Variants in NRG3 observed in about 807,000 individuals in gnomAD.
NRG3 encodes the protein neuregulin 3.
In NRG3, 31 loss-of-function variants were observed where a neutral mutation model predicts 66.9. That is an observed-to-expected ratio of 0.46 (90% CI 0.35 to 0.63). The LOEUF is 0.63. Ranked by LOEUF, NRG3 falls within the 20% of genes least tolerant of loss-of-function variation. NRG3 has a pLI of 0.00. For missense variants in NRG3, 910 were observed against 878.9 expected, an observed-to-expected ratio of 1.04 and a Z score of -0.45; for synonymous variants, 393 against 359.4, an observed-to-expected ratio of 1.09 and a Z score of -1.06.
intron 3 of NRG3, among the ~76,000 whole-genome samples, chr10:82,761,314 G>A (rs1338148218): frequency 1.3e-5 from 2 of 152,062 alleles, no homozygotes; most frequent in South Asian, 4.2e-4. Context: ...TAATAAAAAA[G>A]TAATATCTTC....
intron 1 of NRG3, among the ~76,000 whole-genome samples, chr10:81,923,737 G>GT (rs11406455): frequency 1 from 152,256 of 152,256 alleles, 76,128 homozygotes; most frequent in Non-Finnish European, 1. Flanking sequence ...ATTCCCCCTT[G>GT]TTTTATCTTC....
chr10:82,528,735 T>C (rs1846963393), intron 2 of NRG3, among the ~76,000 whole-genome samples: 1 of 152,176 alleles, frequency 6.6e-6, no homozygotes. Context: ...AATTGCTATT[T>C]AGTTTAGAAA....
intron 4 of NRG3, among the ~76,000 whole-genome samples, chr10:82,886,978 A>G (rs1842772704): frequency 6.6e-6 from 1 of 152,208 alleles, no homozygotes; most frequent in Admixed American, 6.5e-5. Context: ...AATCGTTCTA[A>G]TTAGCAAAGA....
At chr10:82,913,504 A>C (rs1845530346) in intron 4 of NRG3, among the ~76,000 whole-genome samples, 1 of 152,032 alleles carries the variant, frequency 6.6e-6, no homozygotes, top group Non-Finnish European at 1.5e-5. Flanking sequence ...AATTTCCTTA[A>C]TGTTTGCTTA....
intron 1 of NRG3, among the ~76,000 whole-genome samples, chr10:82,153,965 GC>G (rs1343708091): frequency 2.6e-5 from 4 of 151,510 alleles, no homozygotes; most frequent in African/African-American, 9.7e-5. Context: ...ATGGATATTA[GC>G]CCCTTATCAG....
chr10:82,806,521 T>C (rs1463263251), intron 3 of NRG3, among the ~76,000 whole-genome samples: 5 of 152,240 alleles, frequency 3.3e-5, no homozygotes, highest in African/African-American at 9.6e-5. Flanking sequence ...GACCTACAAT[T>C]AATGTGAGAA....
intron 4 of NRG3, among the ~76,000 whole-genome samples, chr10:82,880,331 G>C (rs992830401): frequency 6.6e-6 from 1 of 152,078 alleles, no homozygotes; most frequent in African/African-American, 2.4e-5. Context: ...TCCATATTTA[G>C]AGTGCGCACG....
intron 2 of NRG3, among the ~76,000 whole-genome samples, chr10:82,609,655 T>C (rs1406148088): frequency 6.6e-6 from 1 of 151,768 alleles, no homozygotes; most frequent in Non-Finnish European, 1.5e-5. Flanking sequence ...TTAAACCTCA[T>C]AATCAATCTG....
intron 1 of NRG3, among the ~76,000 whole-genome samples, chr10:82,351,036 C>T (rs865864217): frequency 8.5e-5 from 13 of 152,156 alleles, no homozygotes; most frequent in South Asian, 8.3e-4. Context: ...GGACTACAGG[C>T]GCCCGCCACC....
intron 3 of NRG3, among the ~76,000 whole-genome samples, chr10:82,829,221 A>AT (rs1440360971): frequency 6.6e-6 from 1 of 152,130 alleles, no homozygotes; most frequent in Non-Finnish European, 1.5e-5. Flanking sequence ...GAAAGATCTG[A>AT]TTGGAGCACA....
chr10:82,688,600 A>C (rs1453496726), intron 2 of NRG3, among the ~76,000 whole-genome samples: 1 of 152,170 alleles, frequency 6.6e-6, no homozygotes. Context: ...GATTTACTGA[A>C]CACTTCCAAT....
intron 1 of NRG3, among the ~76,000 whole-genome samples, chr10:82,093,231 A>T (rs1430942682): frequency 6.6e-6 from 1 of 152,216 alleles, no homozygotes; most frequent in Non-Finnish European, 1.5e-5. Context: ...GTCTGATACA[A>T]TGTGTTCCTC....
At chr10:82,489,371 A>C (rs1222727588) in intron 2 of NRG3, among the ~76,000 whole-genome samples, 16 of 152,200 alleles carry the variant, frequency 1.1e-4, no homozygotes, top group Admixed American at 1.0e-3. Context: ...TTCTGTAGGC[A>C]GTTTTCTGGA....
chr10:82,454,754 ATT>A (rs2091194239), intron 2 of NRG3, among the ~76,000 whole-genome samples: 1 of 152,252 alleles, frequency 6.6e-6, no homozygotes, highest in South Asian at 2.1e-4. Flanking sequence ...GGAAAAAGCT[ATT>A]CAAAGCAAAC....
chr10:82,904,581 TA>T (rs1423594331), intron 4 of NRG3, among the ~76,000 whole-genome samples: 1 of 152,158 alleles, frequency 6.6e-6, no homozygotes, highest in Non-Finnish European at 1.5e-5. Flanking sequence ...CAATGTTTTT[TA>T]TATCATGGGA....
At chr10:82,710,939 G>T (rs1457038951) in intron 2 of NRG3, among the ~76,000 whole-genome samples, 1 of 152,024 alleles carries the variant, frequency 6.6e-6, no homozygotes, top group Non-Finnish European at 1.5e-5. Context: ...TGTTTTTATT[G>T]AGAAGTCAAA....
intron 1 of NRG3, among the ~76,000 whole-genome samples, chr10:81,951,500 C>T (rs1190944673): frequency 6.6e-6 from 1 of 152,148 alleles, no homozygotes; most frequent in East Asian, 1.9e-4. Context: ...AATTTTCAAA[C>T]CCAATGTGGC....
At chr10:82,738,054 G>A (rs1591366692) in intron 2 of NRG3, among the ~76,000 whole-genome samples, 2 of 142,270 alleles carry the variant, frequency 1.4e-5, no homozygotes, top group East Asian at 4.1e-4. Flanking sequence ...AGGTGACACT[G>A]ACTTGGAAGA....
intron 2 of NRG3, among the ~76,000 whole-genome samples, chr10:82,614,045 G>A (rs1281780882): frequency 6.6e-6 from 1 of 151,872 alleles, no homozygotes; most frequent in Admixed American, 6.6e-5. Flanking sequence ...GCCTACAGGT[G>A]CCCAACACCA....
Sources: gnomAD v4.1 joint callset for allele counts (sites outside exome capture counted in the v4.1 genomes callset) on GRCh38, gnomAD v4.1.1 for gene constraint, MANE v1.5 for transcripts, NCBI Gene and HGNC (gene_info 2026-07-23, HGNC 2026-07-21) for gene names.